The following GABRG3 variants were observed in gnomAD, a reference collection of about 807,000 sequenced individuals.
The protein encoded by GABRG3 is gamma-aminobutyric acid receptor subunit gamma-3.
GABRG3 carries 25 observed loss-of-function variants against 48.8 expected under a neutral mutation model. The ratio of observed to expected loss-of-function variants is 0.51; its 90% confidence interval spans 0.37 to 0.72. The LOEUF is 0.72. Ranked by LOEUF, GABRG3 falls within the 30% of genes least tolerant of loss-of-function variation. The pLI is 0.00. For synonymous variants in GABRG3, 227 were observed against 217.6 expected (o/e 1.04, Z -0.38); for missense variants, 394 against 577.9 (o/e 0.68, Z 3.26).
chr15:27,068,252 G>T (rs903200596), intron 3 of GABRG3, among the ~76,000 whole-genome samples: 63 of 152,262 alleles, frequency 4.1e-4, no homozygotes, highest in African/African-American at 1.3e-3. Context: ...CATAACCACT[G>T]CTGTGTAACA....
At chr15:27,029,934 T>C (rs565270662) in intron 3 of GABRG3, among the ~76,000 whole-genome samples, 2 of 152,178 alleles carry the variant, frequency 1.3e-5, no homozygotes, top group Non-Finnish European at 2.9e-5. Context: ...GTGCATCACA[T>C]AGACCCGCTA....
rs146385328 is a variant in GABRG3, at chr15:27,420,372, G to A, written c.575-60278G>A. On this transcript the variant is annotated intron_variant, in intron 5 of 9. Transcript: ENST00000615808. ...GTATGATCTCATTTATAAGTGAAAT[G>A]TAAAACAGTTGAACTTGGGGTATGA... 2.6e-5 allele frequency among the ~76,000 whole-genome samples: 4 copies of A among 152,304 alleles called. No individual in the cohort carries two copies. The East Asian group carries it at 7.7e-4, about 29-fold the overall frequency.
intron 3 of GABRG3, among the ~76,000 whole-genome samples, chr15:27,058,170 C>T (rs756763111): frequency 6.6e-5 from 10 of 152,178 alleles, no homozygotes; most frequent in Non-Finnish European, 1.2e-4. Context: ...ACTATGATAA[C>T]GCATCAGAAC....
intron 5 of GABRG3, among the ~76,000 whole-genome samples, chr15:27,440,546 A>C (rs1251503759): frequency 2.6e-5 from 4 of 152,122 alleles, no homozygotes; most frequent in Non-Finnish European, 5.9e-5. Context: ...TTGGCTAAAC[A>C]TTCATAGGCC....
intron 3 of GABRG3, among the ~76,000 whole-genome samples, chr15:27,133,598 A>G (rs1020918299): frequency 6.6e-6 from 1 of 152,242 alleles, no homozygotes; most frequent in African/African-American, 2.4e-5. Context: ...ACAAAAGGCT[A>G]GTTGCTCTGC....
chr15:27,091,905 G>A (rs1897192780), intron 3 of GABRG3, among the ~76,000 whole-genome samples: 1 of 152,116 alleles, frequency 6.6e-6, no homozygotes, highest in Admixed American at 6.5e-5. Flanking sequence ...ACATTCCTTG[G>A]TTGTTATAAC....
chr15:27,266,597 G>A (rs1260288447), intron 3 of GABRG3, among the ~76,000 whole-genome samples: 1 of 152,154 alleles, frequency 6.6e-6, no homozygotes, highest in Non-Finnish European at 1.5e-5. Flanking sequence ...ATTTTGATTA[G>A]GAATGCATCA....
chr15:26,991,284 G>GT (rs1340865331), intron 2 of GABRG3, among the ~76,000 whole-genome samples: 1 of 151,944 alleles, frequency 6.6e-6, no homozygotes, highest in East Asian at 1.9e-4. Context: ...TTATGTGTCT[G>GT]TTTTTTATGC....
chr15:27,115,806 T>C (rs1897631733), intron 3 of GABRG3, among the ~76,000 whole-genome samples: 1 of 152,224 alleles, frequency 6.6e-6, no homozygotes, highest in South Asian at 2.1e-4. Context: ...TTTTCAATTT[T>C]CAAATCAAGG....
chr15:27,369,634 T>C (rs1264443257), intron 5 of GABRG3, among the ~76,000 whole-genome samples: 1 of 151,694 alleles, frequency 6.6e-6, no homozygotes, highest in South Asian at 2.1e-4. Context: ...TGGCTGACAC[T>C]GTCTCTACTA....
intron 5 of GABRG3, among the ~76,000 whole-genome samples, chr15:27,404,619 C>G (rs1300458606): frequency 6.6e-6 from 1 of 152,162 alleles, no homozygotes; most frequent in Non-Finnish European, 1.5e-5. Context: ...ATGATGCTGA[C>G]ACAGGGGTAG....
intron 5 of GABRG3, among the ~76,000 whole-genome samples, chr15:27,470,913 TG>T (rs33966077): frequency 0.32 from 40,013 of 124,836 alleles, 8,542 homozygotes; most frequent in African/African-American, 0.64. Flanking sequence ...CTGTTTTTTT[TG>T]TTTGTTTGTT....
chr15:26,979,511 G>A (rs374001609), intron 2 of GABRG3, among the ~76,000 whole-genome samples: 5 of 151,926 alleles, frequency 3.3e-5, no homozygotes, highest in African/African-American at 1.2e-4. Context: ...AGTTGAGAAA[G>A]TTCTCTCTAT....
intron 5 of GABRG3, among the ~76,000 whole-genome samples, chr15:27,359,168 C>T (rs987216647): frequency 2.0e-5 from 3 of 152,240 alleles, no homozygotes; most frequent in African/African-American, 7.2e-5. Context: ...TCTCCCACTG[C>T]ACCAAGATTG....
intron 6 of GABRG3, among the ~76,000 whole-genome samples, chr15:27,485,676 T>G (rs775774894): frequency 1.3e-5 from 2 of 152,164 alleles, no homozygotes; most frequent in Non-Finnish European, 2.9e-5. Flanking sequence ...TTACAGATTT[T>G]CATACAGAAA....
intron 3 of GABRG3, among the ~76,000 whole-genome samples, chr15:27,253,465 T>C (rs1890523035): frequency 6.6e-6 from 1 of 152,230 alleles, no homozygotes; most frequent in Non-Finnish European, 1.5e-5. Flanking sequence ...CTTATGGCTT[T>C]GAGAATCTGA....
intron 5 of GABRG3, among the ~76,000 whole-genome samples, chr15:27,348,425 C>T (rs565702156): frequency 2.0e-5 from 3 of 152,208 alleles, no homozygotes; most frequent in African/African-American, 4.8e-5. Context: ...GTGCTATATT[C>T]GTGTATTGAT....
chr15:27,494,761 C>T (rs1435574754), intron 6 of GABRG3, among the ~76,000 whole-genome samples: 3 of 152,062 alleles, frequency 2.0e-5, no homozygotes, highest in African/African-American at 7.2e-5. Context: ...GTTTGTTAAT[C>T]TTATTGATAG....
In GABRG3 at chr15:26,980,587, G is replaced by C. The variant is rs776592919; in HGVS notation, c.202+3437G>C. Among the ~76,000 whole-genome samples, 192 of 151,470 alleles carry C rather than the reference G, an allele frequency of 1.3e-3. 2 individuals are homozygous for C. The highest frequency in any genetic ancestry group is 3.5e-4 in the Non-Finnish European group (24 of 67,906). On this transcript the variant is annotated intron_variant, in intron 2 of 9. Coordinates refer to ENST00000615808, the MANE Select transcript of GABRG3 (RefSeq NM_033223.5). Reference sequence around the variant, plus strand: ...CCAGCTACTGAGGAGGCTGAGGCAGGAGAATGGCGTGAACCTGGGAGGCAG... The same window carrying C: ...CCAGCTACTGAGGAGGCTGAGGCAGCAGAATGGCGTGAACCTGGGAGGCAG...
Sources: allele counts gnomAD v4.1 joint callset (sites outside exome capture counted in the v4.1 genomes callset), GRCh38; gene constraint gnomAD v4.1.1; transcripts MANE v1.5; gene names NCBI Gene and HGNC (gene_info 2026-07-23, HGNC 2026-07-21).